TAF7L: variants seen among roughly 807,000 people sequenced by gnomAD.
TAF7L encodes TATA-box binding protein associated factor 7 like.
TAF7L carries 6 observed loss-of-function variants against 30.2 expected under a neutral mutation model. The ratio of observed to expected loss-of-function variants is 0.20; its 90% confidence interval spans 0.11 to 0.39. The LOEUF is 0.39. Ranked by LOEUF, TAF7L falls within the 10% of genes least tolerant of loss-of-function variation. The pLI is 1.00. For missense variants in TAF7L, 284 were observed against 277.1 expected (o/e 1.03, Z -0.18); for synonymous variants, 93 against 94.5 (o/e 0.98, Z 0.09).
chrX:101,268,924 A>T lies in TAF7L; in HGVS notation c.*269T>A, dbSNP rs767914728. The T allele has an allele frequency of 6.2e-5, 16 of 258,472 alleles. No individual in the cohort carries two copies. The highest frequency in any genetic ancestry group is 1.2e-4 in the Admixed American group (2 of 16,247). 21.3% of individuals were successfully genotyped at this position (258,472 alleles called of 1,213,427 possible). ...AATTCAGCCTGGGCAACATAACAAG[A>T]CCCCATTTCTAAATTAATAATAATA... On this transcript the variant is annotated 3_prime_UTR_variant, in exon 13 of 13. Transcript: ENST00000356784.
chrX:101,286,385 G>A (rs867201629), intron 3 of TAF7L, among the ~76,000 whole-genome samples, 190 bp downstream of exon 3: 2 of 110,622 alleles, frequency 1.8e-5, no homozygotes, highest in Middle Eastern at 9.3e-3. Flanking sequence ...CTCAACTCAA[G>A]GTGCAATATT....
chrX:101,287,562 T>A lies in TAF7L; in HGVS notation c.-2-17A>T. 8.4e-7 allele frequency: 1 copy of A among 1,193,806 alleles called. No homozygotes were observed. Among genetic ancestry groups the A allele is most frequent in the Non-Finnish European group, 1.1e-6 (1 of 880,941 alleles). ...CACTCATGTCTTGATTTTGAGTTCA[T>A]GAAAGCAAAAAGAAAACCATCACTA... On this transcript the variant is annotated splice_polypyrimidine_tract_variant and intron_variant, in intron 1 of 12. Coordinates refer to ENST00000356784, the MANE Select transcript of TAF7L (RefSeq NM_001168474.2).
At chrX:101,281,801 C>T (rs371154707) in intron 5 of TAF7L, 26 bp from the exon 6 acceptor site, 107 of 1,154,231 alleles carry the variant, frequency 9.3e-5, no homozygotes, top group Non-Finnish European at 1.2e-4. Context: ...CACAGTGAAA[C>T]GTTATATGAC....
At chrX:101,271,817 A>G (rs898999381) in intron 12 of TAF7L, among the ~76,000 whole-genome samples, 1 of 112,411 alleles carries the variant, frequency 8.9e-6, no homozygotes, top group African/African-American at 3.2e-5. Flanking sequence ...GTCATTGGCC[A>G]AAATGTTGTT....
chrX:101,276,530 T>C lies in TAF7L; in HGVS notation c.692-2A>G. 8.3e-7 allele frequency: 1 copy of C among 1,210,120 alleles called. No individual in the cohort carries two copies. The highest frequency in any genetic ancestry group is 1.1e-6 in the Non-Finnish European group (1 of 894,662). ...ACATCTCCCGAAGCATATCATATTC[T>C]ACTAGTTTTAAGCAAGAAGAAGGTG... On this transcript the variant is annotated splice_acceptor_variant, in intron 9 of 12. Coordinates refer to ENST00000356784, the MANE Select transcript of TAF7L (RefSeq NM_001168474.2). LOFTEE classifies it high-confidence loss of function.
chrX:101,292,744 G>C (rs373433659), upstream of TAF7L: 7 of 1,183,564 alleles, frequency 5.9e-6, no homozygotes, highest in Admixed American at 1.5e-4. Flanking sequence ...TTGTTTCTCC[G>C]AAAGAAGGTC....
chrX:101,276,368 C>A lies in TAF7L; in HGVS notation c.852G>T (p.Gln284His). ...EDCSEEYLERQLQAEFIESGQ... is the reference protein window; with the variant it reads ...EDCSEEYLERHLQAEFIESGQ... ...CAGATTCAATAAACTCGGCCTGCAG[C>A]TGCCTTTCCAGATACTCTTCAGAAC... The change falls in exon 10 of 13, where the codon CAG becomes CAT. Residue 284 changes from glutamine to histidine, a missense_variant. Transcript: ENST00000356784. 8.3e-7 allele frequency: 1 copy of A among 1,211,488 alleles called. No individual in the cohort carries two copies. The highest frequency in any genetic ancestry group is 1.1e-6 in the Non-Finnish European group (1 of 895,504).
rs1180108916 is a variant in TAF7L, at chrX:101,269,217, C to G, written c.1107G>C (p.Gln369His). 1 of 1,209,329 alleles carries G rather than the reference C, an allele frequency of 8.3e-7. No individual in the cohort carries two copies. Among genetic ancestry groups the G allele is most frequent in the Non-Finnish European group, 1.1e-6 (1 of 894,032 alleles). ...KNEKLISLQE[Q>H]LQRFLKK ...CTCACTTCTTCAGAAAACGCTGCAA[C>G]TGTTCCTGTAGGGAAATGAGCTGTA... Residue 369 changes from glutamine (Q) to histidine (H), a missense_variant, in exon 13 of 13, where the codon CAG (glutamine) becomes CAC (histidine). Physicochemically the swap from Gln to His is conservative, Grantham distance 24. Transcript: ENST00000356784.
chrX:101,282,151 GC>G (rs1924436287), intron 5 of TAF7L, among the ~76,000 whole-genome samples, 175 bp downstream of exon 5: 1 of 111,338 alleles, frequency 9.0e-6, no homozygotes, highest in African/African-American at 3.3e-5. Flanking sequence ...CTCCCAAAGT[GC>G]TGGGATTACA....
rs779714889 is a variant in TAF7L, at chrX:101,276,069, G to A, written c.957C>T (p.Leu319=). The change falls in exon 11 of 13, where the codon CTC becomes CTT. Residue 319 remains leucine (L), a synonymous_variant. Coordinates refer to ENST00000356784, the MANE Select transcript of TAF7L (RefSeq NM_001168474.2). ...QKQIEKKEKK[L]HKIQNKAQRQ... ...TTTGTGCTTTATTCTGAATCTTATG[G>A]AGCTTTTTCTCCTTTTTCTCAATCT... 7 of 1,206,560 alleles carry A rather than the reference G, an allele frequency of 5.8e-6. No homozygotes were observed. The South Asian group carries it at 1.1e-4, about 19-fold the overall frequency.
chrX:101,275,222 C>A lies in TAF7L; in HGVS notation c.1086G>T (p.Lys362Asn). Reference sequence around the variant, plus strand: ...GTTAATTTGAAAACATACTTCTTACCTTCTCATTTTTTTGTTTTTCCTGTA... The same window carrying A: ...GTTAATTTGAAAACATACTTCTTACATTCTCATTTTTTTGTTTTTCCTGTA... Reference protein sequence around the residue: ...LELQEKQKNEKLISLQEQLQR... With the variant: ...LELQEKQKNENLISLQEQLQR... Residue 362 changes from lysine to asparagine, a missense_variant and splice_region_variant, in exon 12 of 13, where the codon AAG becomes AAT. Coordinates refer to ENST00000356784, the MANE Select transcript of TAF7L (RefSeq NM_001168474.2). The A allele has an allele frequency of 8.5e-7, 1 of 1,173,540 alleles. No homozygotes were observed. The highest frequency in any genetic ancestry group is 2.3e-5 in the Admixed American group (1 of 43,014).
At chrX:101,290,167 A>C (rs1310570340) in intron 1 of TAF7L, among the ~76,000 whole-genome samples, 1 of 110,696 alleles carries the variant, frequency 9.0e-6, no homozygotes, top group East Asian at 2.9e-4. Context: ...ACTGCACTCC[A>C]GCTTGGGTGA....
chrX:101,282,705 C>T (rs1419397346), intron 4 of TAF7L, among the ~76,000 whole-genome samples: 3 of 109,622 alleles, frequency 2.7e-5, no homozygotes, highest in Admixed American at 9.8e-5. Flanking sequence ...TTTTTTTCCA[C>T]GAGAGTGTTT....
upstream of TAF7L, chrX:101,293,035 G>A: frequency 8.3e-7 from 1 of 1,211,404 alleles, no homozygotes; most frequent in Non-Finnish European, 1.1e-6. Flanking sequence ...CTGTCCCTCG[G>A]GGCACTCCAT....
At chrX:101,272,201 G>A (rs1401034597) in intron 12 of TAF7L, among the ~76,000 whole-genome samples, 1 of 111,583 alleles carries the variant, frequency 9.0e-6, no homozygotes, top group Admixed American at 9.6e-5. Context: ...ACACTCTCTT[G>A]TGGCTTTGAA....
At chrX:101,290,748 G>C (rs138649109) in intron 1 of TAF7L, among the ~76,000 whole-genome samples, 1 of 111,824 alleles carries the variant, frequency 8.9e-6, no homozygotes, top group Non-Finnish European at 1.9e-5. Context: ...CTAGTTGTAC[G>C]GTATTCACTT....
rs748614286 is a variant in TAF7L at position 101,291,246 on chromosome X, C to A, written c.-25G>T. On this transcript the variant is annotated 5_prime_UTR_variant, in exon 1 of 13. Coordinates refer to ENST00000356784, the MANE Select transcript of TAF7L (RefSeq NM_001168474.2). ...CACCCGCTCCTCCGGGAACTGGCGCCGACACCGAAAAGGCTGGGACCTGCG... is the reference window on the plus strand; with the variant it reads ...CACCCGCTCCTCCGGGAACTGGCGCAGACACCGAAAAGGCTGGGACCTGCG... 36 of 752,460 alleles carry A rather than the reference C, an allele frequency of 4.8e-5. No homozygotes were observed. The highest frequency in any genetic ancestry group is 5.2e-5 in the Non-Finnish European group (33 of 638,584). 62.0% of individuals were successfully genotyped at this position (752,460 alleles called of 1,213,427 possible).
Position 101,287,502 on chromosome X carries a change from G to A in TAF7L, c.42C>T (p.Asn14=). Residue 14 remains asparagine (N), a synonymous_variant, in exon 2 of 13, where the codon AAC becomes AAT. Coordinates refer to ENST00000356784, the MANE Select transcript of TAF7L (RefSeq NM_001168474.2). ...CCAGAGGCAGACGCAATATAAACTG[G>A]TTCTCAACTTCATCAGGAACTTCAT... The part of the protein sequence containing the change: ...SQDEVPDEVE[N]QFILRLPLEH... 1 of 1,207,940 alleles carries A rather than the reference G, an allele frequency of 8.3e-7. No individual in the cohort carries two copies. The highest frequency in any genetic ancestry group is 1.7e-5 in the African/African-American group (1 of 57,667).
At chrX:101,284,281 T>C (rs1924509122) in intron 3 of TAF7L, among the ~76,000 whole-genome samples, 1 of 112,453 alleles carries the variant, frequency 8.9e-6, no homozygotes, top group Admixed American at 9.5e-5. Flanking sequence ...CAAGAAACAG[T>C]ATCAGTTATC....
Sources: gnomAD v4.1 joint callset for allele counts (sites outside exome capture counted in the v4.1 genomes callset) on GRCh38, gnomAD v4.1.1 for gene constraint, MANE v1.5 for transcripts, NCBI Gene and HGNC (gene_info 2026-07-23, HGNC 2026-07-21) for gene names.